MYL6B: variants seen among roughly 807,000 people sequenced by gnomAD.
The protein encoded by MYL6B is myosin alkali light chain 1 slow a.
In MYL6B, 19 loss-of-function variants were observed where a neutral mutation model predicts 24.5. The observed-to-expected ratio is 0.78, with a 90% confidence interval of 0.54 to 1.14. MYL6B has a LOEUF of 1.14. MYL6B is among the 50% of genes most tolerant of loss of function. The pLI, the probability that MYL6B is intolerant of heterozygous loss-of-function variation, is 0.00. For synonymous variants in MYL6B, 90 were observed against 100.7 expected (o/e 0.89, Z 0.64); for missense variants, 230 against 263.8 (o/e 0.87, Z 0.89).
At chr12:56,153,798 CT>C in intron 1 of MYL6B, 74 bp from the exon 2 acceptor site, 1 of 1,069,388 alleles carries the variant, frequency 9.4e-7, no homozygotes, top group African/African-American at 1.6e-5. Flanking sequence ...TCTACCTCAT[CT>C]TTGCCACAGC....
exon 5 of MYL6B, chr12:56,155,470 C>A (rs1223674514): frequency 3.7e-6 from 6 of 1,614,040 alleles, no homozygotes; most frequent in Non-Finnish European, 4.2e-6. Flanking sequence ...ATGCTCCAGG[C>A]AGTGGCCAAG....
intron 1 of MYL6B, 182 bp from the exon 2 acceptor site, chr12:56,153,691 C>T: frequency 2.1e-6 from 1 of 474,332 alleles, no homozygotes; most frequent in South Asian, 5.0e-5. Context: ...TTCTGGTCAG[C>T]CTTTGGGGAT....
intron 5 of MYL6B, chr12:56,157,255 G>A (rs918758387): frequency 1.9e-6 from 1 of 516,332 alleles, no homozygotes; most frequent in Admixed American, 3.2e-5. Context: ...AATTAGCCGG[G>A]CGCCTGTAAT....
chr12:56,153,352 T>G (rs1481207197), intron 1 of MYL6B: 1 of 855,756 alleles, frequency 1.2e-6, no homozygotes, highest in Non-Finnish European at 1.4e-6. Flanking sequence ...ACTACAAGTA[T>G]TAGGGATCAT....
chr12:56,154,124 A>C, intron 2 of MYL6B, 32 bp downstream of exon 2: 1 of 1,560,654 alleles, frequency 6.4e-7, no homozygotes, highest in South Asian at 1.1e-5. Flanking sequence ...ATAGAATTGG[A>C]GGGGGTGGTT....
chr12:56,157,293 A>G, intron 5 of MYL6B, 175 bp from the exon 6 acceptor site: 1 of 598,806 alleles, frequency 1.7e-6, no homozygotes, highest in Non-Finnish European at 3.0e-6. Flanking sequence ...GTGAGGCAGG[A>G]GAATCGCGTG....
chr12:56,154,258 G>A (rs75302397), intron 2 of MYL6B, among the ~76,000 whole-genome samples, 166 bp downstream of exon 2: 7 of 152,282 alleles, frequency 4.6e-5, no homozygotes, highest in African/African-American at 1.7e-4. Context: ...TTATGACTCT[G>A]CTGTTGTCTT....
intron 2 of MYL6B, among the ~76,000 whole-genome samples, chr12:56,154,361 A>ACAT (rs1388024864): frequency 1.3e-5 from 2 of 152,300 alleles, no homozygotes; most frequent in East Asian, 1.9e-4. Flanking sequence ...TAGATGGGGA[A>ACAT]CATCTGGGTT....
At chr12:56,155,300 A>G (rs1409511103) in intron 4 of MYL6B, 102 bp downstream of exon 4, 1 of 1,562,792 alleles carries the variant, frequency 6.4e-7, no homozygotes, top group African/African-American at 1.4e-5. Flanking sequence ...AAACTGTCAA[A>G]CACAGAAGCA....
exon 4 of MYL6B, chr12:56,155,078 T>C (rs1871254340): frequency 6.2e-7 from 1 of 1,613,448 alleles, no homozygotes; most frequent in Non-Finnish European, 8.5e-7. Flanking sequence ...CTTCGAGCTG[T>C]TTGACCGAGT....
chr12:56,157,449 C>T lies in MYL6B; in HGVS notation c.521-19C>T, dbSNP rs752453081. 3 of 1,612,106 alleles carry T rather than the reference C, an allele frequency of 1.9e-6. No homozygotes were observed. Among genetic ancestry groups the T allele is most frequent in the Non-Finnish European group, 2.5e-6 (3 of 1,178,896 alleles). Reference sequence around the variant, plus strand: ...GAAGGAGGGAAAGGAGGGCCTCAGACGTTGTGTCTGGGATTCAGGAGAGAA... The same window carrying T: ...GAAGGAGGGAAAGGAGGGCCTCAGATGTTGTGTCTGGGATTCAGGAGAGAA... On this transcript the variant is annotated intron_variant, in intron 5 of 6. Coordinates refer to ENST00000553066, the Ensembl canonical transcript of MYL6B.
At chr12:56,154,231 T>G in intron 2 of MYL6B, 139 bp downstream of exon 2, 1 of 843,952 alleles carries the variant, frequency 1.2e-6, no homozygotes, top group Non-Finnish European at 1.8e-6. Context: ...TAGTCCCCCA[T>G]TTGGAAGCAT....
chr12:56,154,759 G>T, intron 2 of MYL6B, 54 bp from the exon 3 acceptor site: 1 of 1,585,046 alleles, frequency 6.3e-7, no homozygotes, highest in Middle Eastern at 1.7e-4. Flanking sequence ...GAGGAGTGCG[G>T]GAGAGGGATT....
chr12:56,155,716 G>C (rs746417518), intron 5 of MYL6B, 124 bp downstream of exon 5: 1 of 1,556,294 alleles, frequency 6.4e-7, no homozygotes, highest in Non-Finnish European at 8.6e-7. Context: ...GTCGGCAGGA[G>C]ACTGAGAAGG....
intron 5 of MYL6B, chr12:56,157,047 C>CAAA (rs34843827): frequency 8.1e-5 from 9 of 110,452 alleles, no homozygotes; most frequent in South Asian, 5.2e-4. Context: ...GACCCTATCT[C>CAAA]AAAAAAAAAA....
At chr12:56,154,629 A>C (rs1022547539) in intron 2 of MYL6B, among the ~76,000 whole-genome samples, 184 bp from the exon 3 acceptor site, 1 of 152,210 alleles carries the variant, frequency 6.6e-6, no homozygotes, top group East Asian at 1.9e-4. Context: ...AACCCTCCCC[A>C]CTGTAATTCC....
chr12:56,156,162 C>A, intron 5 of MYL6B: 2 of 334,536 alleles, frequency 6.0e-6, no homozygotes, highest in Non-Finnish European at 8.8e-6. Flanking sequence ...AAAAACTAGG[C>A]GGGCATGGTG....
At chr12:56,157,438 AG>A in intron 5 of MYL6B, 29 bp from the exon 6 acceptor site, 1 of 1,600,928 alleles carries the variant, frequency 6.2e-7, no homozygotes, top group Non-Finnish European at 8.6e-7. Flanking sequence ...GAGGGAAAGG[AG>A]GGCCTCAGAC....
At chr12:56,155,510 C>T (rs1871274178) in exon 5 of MYL6B, 2 of 1,613,992 alleles carry the variant, frequency 1.2e-6, no homozygotes, top group African/African-American at 1.3e-5. Context: ...ATGAGGACTA[C>T]TTGGAGGGGT....
Sources: allele counts gnomAD v4.1 joint callset (sites outside exome capture counted in the v4.1 genomes callset), GRCh38; gene constraint gnomAD v4.1.1; transcripts MANE v1.5; gene names NCBI Gene and HGNC (gene_info 2026-07-23, HGNC 2026-07-21).